Variants in FBXO9 observed in about 807,000 individuals in gnomAD.
FBXO9 encodes the protein F-box only protein 9.
Under a neutral mutation model 63.7 loss-of-function variants are expected in FBXO9, and 43 were observed. The observed-to-expected ratio is 0.67, with a 90% CI of 0.53 to 0.87. FBXO9 has a LOEUF of 0.87. Among genes scored for constraint, FBXO9 ranks in the 40% least tolerant of loss-of-function variants. The probability of loss-of-function intolerance (pLI) is 0.00; values close to 1 mark genes in which losing one functional copy is unlikely to be tolerated. For synonymous variants in FBXO9, 156 were observed against 171.7 expected (o/e 0.91, Z 0.72); for missense variants, 442 against 533.2 (o/e 0.83, Z 1.68).
chr6:53,082,132 G>A (rs1435630103), intron 6 of FBXO9, among the ~76,000 whole-genome samples: 1 of 152,090 alleles, frequency 6.6e-6, no homozygotes, highest in Non-Finnish European at 1.5e-5. Context: ...GGCTTTTTCA[G>A]AGGAGGACAA....
rs1287582979 is a variant in FBXO9, at chr6:53,065,691, G to A, written c.-99G>A. 8 of 1,360,088 alleles carry A rather than the reference G, an allele frequency of 5.9e-6. No homozygotes were observed. The East Asian group carries it at 1.8e-4, about 31-fold the overall frequency. The allele number at this position is 1,360,088 out of a possible 1,614,324, so 84.3% of individuals were successfully genotyped here. A position where few individuals can be genotyped will look rare whatever the true frequency, so the allele number is the denominator to read the frequency against. ...TCTGCTAAGCTCCGCTGCAGAGACAGGCAGGAGTAGACACCCGGACACCCA... is the reference window on the plus strand; with the variant it reads ...TCTGCTAAGCTCCGCTGCAGAGACAAGCAGGAGTAGACACCCGGACACCCA... On this transcript the variant is annotated 5_prime_UTR_variant, in exon 1 of 13. Coordinates refer to ENST00000323557, the MANE Select transcript of FBXO9 (RefSeq NM_033480.3).
In FBXO9 at chr6:53,077,472, CAAAAAAAAAAAAAAAA is replaced by C. The variant is rs1173539613; in HGVS notation, c.307+942_307+957del. 3.1e-3 allele frequency among the ~76,000 whole-genome samples: 219 copies of C among 70,490 alleles called. 2 individuals are homozygous for C. The highest frequency in any genetic ancestry group is 4.5e-3 in the Non-Finnish European group (184 of 40,798). 46.2% of individuals were successfully genotyped at this position (70,490 alleles called of 152,430 possible). A position where few individuals can be genotyped will look rare whatever the true frequency, so the allele number is the denominator to read the frequency against. ...TGGGCGACAGAGCGAGACTCCGTCT[CAAAAAAAAAAAAAAAA>C]AAAAAAAAAAAAGAAATATGTGGTA... On this transcript the variant is annotated intron_variant, in intron 4 of 12. Coordinates refer to ENST00000323557, the MANE Select transcript of FBXO9 (RefSeq NM_033480.3).
At chr6:53,078,066 G>A (rs1346716211) in intron 4 of FBXO9, among the ~76,000 whole-genome samples, 2 of 152,104 alleles carry the variant, frequency 1.3e-5, no homozygotes, top group Admixed American at 1.3e-4. Context: ...AAATTTAAAG[G>A]ATAATTTAAA....
At chr6:53,078,741 C>A in intron 4 of FBXO9, 58 bp from the exon 5 acceptor site, 1 of 1,314,224 alleles carries the variant, frequency 7.6e-7, no homozygotes, top group South Asian at 1.2e-5. Flanking sequence ...TAAGGGTAAT[C>A]AAAGGAAATG....
At chr6:53,080,153 ATCT>A (rs981564319) in intron 5 of FBXO9, among the ~76,000 whole-genome samples, 3 of 151,440 alleles carry the variant, frequency 2.0e-5, no homozygotes, top group African/African-American at 7.3e-5. Context: ...TTAAGGATTC[ATCT>A]TTTTTTTTTA....
chr6:53,071,191 A>G, intron 2 of FBXO9, 48 bp downstream of exon 2: 7 of 1,498,852 alleles, frequency 4.7e-6, no homozygotes, highest in Non-Finnish European at 6.3e-6. Context: ...TTGTTCCCAT[A>G]CATATGCAGA....
chr6:53,084,329 A>C (rs1769405425), intron 7 of FBXO9, among the ~76,000 whole-genome samples: 1 of 152,220 alleles, frequency 6.6e-6, no homozygotes, highest in South Asian at 2.1e-4. Flanking sequence ...AGCATGTAGT[A>C]CTAGCAATAG....
At position 53,065,954 on chromosome 6, in the gene FBXO9, G is replaced by C. The variant is rs902996930; in HGVS notation, c.3+162G>C. 9 of 1,160,204 alleles carry C rather than the reference G, an allele frequency of 7.8e-6. No individual in the cohort carries two copies. In the Admixed American group the frequency reaches 1.7e-4, roughly 22 times the overall value. The allele number at this position is 1,160,204 out of a possible 1,614,324, so 71.9% of individuals were successfully genotyped here. A position where few individuals can be genotyped will look rare whatever the true frequency, so the allele number is the denominator to read the frequency against. On this transcript the variant is annotated intron_variant, in intron 1 of 12. Coordinates refer to ENST00000323557, the MANE Select transcript of FBXO9 (RefSeq NM_033480.3). ...CCCTGGCCTGAGAAGGAGTGCGTCG[G>C]GGGGCGGGGGGTGCCAACCCTGGCT... is the stretch of plus-strand genomic sequence containing the variant.
At position 53,065,672 on chromosome 6, in the gene FBXO9, A is replaced by G; in HGVS notation, c.-118A>G. On this transcript the variant is annotated 5_prime_UTR_variant, in exon 1 of 13. It removes the in-frame stop codon of an upstream open reading frame in the 5' UTR. Coordinates refer to ENST00000323557, the MANE Select transcript of FBXO9 (RefSeq NM_033480.3). ...CGCTTCTCCGACCGAGAACTCTGCTAAGCTCCGCTGCAGAGACAGGCAGGA... is the reference window on the plus strand; with the variant it reads ...CGCTTCTCCGACCGAGAACTCTGCTGAGCTCCGCTGCAGAGACAGGCAGGA... The G allele has an allele frequency of 8.0e-7, 1 of 1,250,218 alleles. No homozygotes were observed. Among genetic ancestry groups the G allele is most frequent in the Non-Finnish European group, 1.0e-6 (1 of 954,878 alleles). 77.4% of individuals were successfully genotyped at this position (1,250,218 alleles called of 1,614,324 possible).
chr6:53,077,001 C>G (rs1400981520), intron 4 of FBXO9, among the ~76,000 whole-genome samples: 1 of 151,704 alleles, frequency 6.6e-6, no homozygotes, highest in Non-Finnish European at 1.5e-5. Context: ...AGCAAAATAA[C>G]TTTTTTTTAC....
chr6:53,088,106 C>G (rs1762945856), intron 7 of FBXO9, among the ~76,000 whole-genome samples: 2 of 152,034 alleles, frequency 1.3e-5, no homozygotes, highest in South Asian at 4.2e-4. Context: ...AAAAATATAT[C>G]CTTGTAACTT....
chr6:53,073,047 T>C (rs1007379992), intron 2 of FBXO9, among the ~76,000 whole-genome samples: 2 of 152,158 alleles, frequency 1.3e-5, no homozygotes, highest in African/African-American at 4.8e-5. Flanking sequence ...ATAACAAATA[T>C]TTGAAAAAAC....
intron 12 of FBXO9, among the ~76,000 whole-genome samples, chr6:53,097,261 CT>C (rs565877707): frequency 2.1e-3 from 322 of 152,246 alleles, no homozygotes; most frequent in Non-Finnish European, 3.7e-3. Flanking sequence ...ATGTCTATAG[CT>C]TCTGACTTAA....
At chr6:53,076,417 C>T (rs996492079) in intron 3 of FBXO9, 69 bp from the exon 4 acceptor site, 57 of 942,384 alleles carry the variant, frequency 6.0e-5, no homozygotes, top group Non-Finnish European at 8.4e-5. Context: ...ATTAAAAAGG[C>T]TCTCCTTCTG....
Position 53,078,686 on chromosome 6 carries a change from A to G in FBXO9, c.308-113A>G, listed in dbSNP as rs1660094802. 4.2e-6 allele frequency: 3 copies of G among 710,952 alleles called. No homozygotes were observed. The African/African-American group carries it at 5.4e-5, about 13-fold the overall frequency. The allele number at this position is 710,952 out of a possible 1,614,324, so 44.0% of individuals were successfully genotyped here. A position where few individuals can be genotyped will look rare whatever the true frequency, so the allele number is the denominator to read the frequency against. ...GAACTGCTGTTGCATGTAGAAAAACAGAATTTGGCCGTTTGTAAAGAAAGT... is the reference window on the plus strand; with the variant it reads ...GAACTGCTGTTGCATGTAGAAAAACGGAATTTGGCCGTTTGTAAAGAAAGT... On this transcript the variant is annotated intron_variant, in intron 4 of 12. Transcript: ENST00000323557.
At position 53,073,471 on chromosome 6, in the gene FBXO9, C is replaced by A; in HGVS notation, c.91-10C>A. On this transcript the variant is annotated splice_polypyrimidine_tract_variant and intron_variant, in intron 2 of 12. Coordinates refer to ENST00000323557, the MANE Select transcript of FBXO9 (RefSeq NM_033480.3). ...CCTTGATGAGTCCTAAAATGCTGTTCTCCCCATAGGCACAACTCCAGATGT... is the reference window on the plus strand; with the variant it reads ...CCTTGATGAGTCCTAAAATGCTGTTATCCCCATAGGCACAACTCCAGATGT... 1 of 1,611,648 alleles carries A rather than the reference C, an allele frequency of 6.2e-7. No individual in the cohort carries two copies. The highest frequency in any genetic ancestry group is 8.5e-7 in the Non-Finnish European group (1 of 1,178,750).
chr6:53,085,985 A>C (rs1180145800), intron 7 of FBXO9, among the ~76,000 whole-genome samples: 1 of 152,084 alleles, frequency 6.6e-6, no homozygotes, highest in East Asian at 1.9e-4. Context: ...CCCCGTCGCT[A>C]CTAAAAATAC....
chr6:53,082,694 A>G, intron 7 of FBXO9, 76 bp downstream of exon 7: 1 of 1,020,708 alleles, frequency 9.8e-7, no homozygotes, highest in Admixed American at 2.3e-5. Flanking sequence ...GCCAATCCTG[A>G]TAAAATTACT....
Position 53,098,157 on chromosome 6 carries a change from G to T in FBXO9, c.*327G>T. ...TGAGGTTTATCATGCCCTTTTTCAA[G>T]CAGATTTATGAGCAGATTTCTGTCA... is the stretch of plus-strand genomic sequence containing the variant. On this transcript the variant is annotated 3_prime_UTR_variant, in exon 13 of 13. Transcript: ENST00000323557. 1 of 383,108 alleles carries T rather than the reference G, an allele frequency of 2.6e-6. No homozygotes were observed. The highest frequency in any genetic ancestry group is 5.4e-6 in the Non-Finnish European group (1 of 185,958). The allele number at this position is 383,108 out of a possible 1,614,324, so 23.7% of individuals were successfully genotyped here.
Sources: allele counts gnomAD v4.1 joint callset (sites outside exome capture counted in the v4.1 genomes callset), GRCh38; gene constraint gnomAD v4.1.1; transcripts MANE v1.5; gene names NCBI Gene and HGNC (gene_info 2026-07-23, HGNC 2026-07-21).